The following ERBB4 variants were observed in gnomAD, a reference collection of about 807,000 sequenced individuals.
ERBB4 encodes erb-b2 receptor tyrosine kinase 4.
A neutral mutation model predicts 158.0 loss-of-function variants in ERBB4; 42 were observed. The ratio of observed to expected loss-of-function variants is 0.27; its 90% CI spans 0.21 to 0.34. The LOEUF (loss-of-function observed/expected upper bound fraction) is 0.34, where lower values mean the gene tolerates loss of function less well. Ranked by LOEUF, ERBB4 falls within the 10% of genes least tolerant of loss-of-function variation. The pLI, the probability that ERBB4 is intolerant of heterozygous loss-of-function variation, is 1.00. For synonymous variants in ERBB4, 583 were observed against 558.7 expected (o/e 1.04, Z -0.61); for missense variants, 1,333 against 1,624.1 (o/e 0.82, Z 3.08).
chr2:211,560,750 C>T (rs73075184), intron 20 of ERBB4, among the ~76,000 whole-genome samples: 2 of 152,046 alleles, frequency 1.3e-5, no homozygotes, highest in African/African-American at 2.4e-5. Context: ...ATAACAGTTA[C>T]AAAATTATAA....
intron 1 of ERBB4, among the ~76,000 whole-genome samples, chr2:212,222,581 A>G (rs182187164): frequency 8.9e-4 from 134 of 151,230 alleles, no homozygotes; most frequent in African/African-American, 2.9e-3. Flanking sequence ...AATATACTAT[A>G]TTCGCCTGGT....
intron 2 of ERBB4, among the ~76,000 whole-genome samples, chr2:212,120,020 G>A (rs2079698113): frequency 6.6e-6 from 1 of 152,126 alleles, no homozygotes; most frequent in Non-Finnish European, 1.5e-5. Flanking sequence ...AAGGGGAAAA[G>A]GGGGAAATTA....
intron 5 of ERBB4, 150 bp from the exon 6 acceptor site, chr2:211,725,344 A>T (rs1209352250): frequency 1.5e-6 from 1 of 664,360 alleles, no homozygotes; most frequent in East Asian, 2.7e-5. Flanking sequence ...CAAAATTTTT[A>T]TACAAAAATC....
chr2:212,467,877 T>TCCTG (rs1688916953), intron 1 of ERBB4, among the ~76,000 whole-genome samples: 2 of 152,168 alleles, frequency 1.3e-5, no homozygotes, highest in African/African-American at 4.8e-5. Flanking sequence ...GGAGGCTGTA[T>TCCTG]CCTGCAAAGC....
At chr2:212,191,714 G>T (rs1360130545) in intron 1 of ERBB4, among the ~76,000 whole-genome samples, 1 of 147,130 alleles carries the variant, frequency 6.8e-6, no homozygotes, top group African/African-American at 2.5e-5. Context: ...TGTTATACAT[G>T]TTACATATAA....
In ERBB4 at chr2:211,983,483, C is replaced by T. The variant is rs115256650; in HGVS notation, c.235-35867G>A. On this transcript the variant is annotated intron_variant, in intron 2 of 27. Transcript: ENST00000342788. ...GTTTATTCAATCAGTATCCCAGTGA[C>T]ATTTGTTTAATGCTAGATCATTTTG... Among the ~76,000 whole-genome samples, 1,334 of 152,282 alleles carry T rather than the reference C, an allele frequency of 8.8e-3. 16 individuals carry two copies. Among genetic ancestry groups the T allele is most frequent in the African/African-American group, 0.031 (1,269 of 41,566 alleles).
intron 20 of ERBB4, among the ~76,000 whole-genome samples, chr2:211,506,870 A>G (rs2065764719): frequency 6.6e-6 from 1 of 152,118 alleles, no homozygotes; most frequent in East Asian, 1.9e-4. Flanking sequence ...AACAAAAATT[A>G]GAGCAGAACT....
At chr2:211,837,018 G>T (rs2077358038) in intron 3 of ERBB4, among the ~76,000 whole-genome samples, 1 of 151,942 alleles carries the variant, frequency 6.6e-6, no homozygotes, top group Admixed American at 6.6e-5. Context: ...ATGCCATTAA[G>T]CAACTTTTAA....
intron 1 of ERBB4, among the ~76,000 whole-genome samples, chr2:212,234,968 TTTTAG>T (rs777489454): frequency 3.8e-4 from 58 of 152,256 alleles, no homozygotes; most frequent in Non-Finnish European, 5.9e-4. Flanking sequence ...TATAGAGGCT[TTTTAG>T]TTTAATTAGA....
intron 3 of ERBB4, among the ~76,000 whole-genome samples, chr2:211,896,456 A>G (rs866236979): frequency 1.1e-4 from 16 of 152,264 alleles, no homozygotes; most frequent in Admixed American, 7.9e-4. Flanking sequence ...ACAACTTTCA[A>G]AGAAATTTCT....
chr2:212,280,939 T>C (rs1284133688), intron 1 of ERBB4, among the ~76,000 whole-genome samples: 4 of 151,672 alleles, frequency 2.6e-5, no homozygotes. Context: ...ATCCGAGGAC[T>C]TGACACACTT....
chr2:211,486,889 TGAG>T lies in ERBB4; in HGVS notation c.2488-55792_2488-55790del, dbSNP rs200210386. Among the ~76,000 whole-genome samples, 1,135 of 152,234 alleles carry T rather than the reference TGAG, an allele frequency of 7.5e-3. 8 individuals are homozygous for T. The highest frequency in any genetic ancestry group is 0.026 in the African/African-American group (1,075 of 41,564). On this transcript the variant is annotated intron_variant, in intron 20 of 27. Coordinates refer to ENST00000342788, the MANE Select transcript of ERBB4 (RefSeq NM_005235.3). ...GTTAGTTTTGTTTTATTCAGGTTGA[TGAG>T]GAGATTTGGTACAGAGTGTCTTTGT...
At chr2:211,531,462 G>GA (rs1203346871) in intron 20 of ERBB4, among the ~76,000 whole-genome samples, 2 of 151,932 alleles carry the variant, frequency 1.3e-5, no homozygotes, top group South Asian at 2.1e-4. Flanking sequence ...AACTCTATAG[G>GA]AAAAAATCTA....
chr2:212,360,545 CCTAAT>C (rs1190285352), intron 1 of ERBB4, among the ~76,000 whole-genome samples: 2 of 151,460 alleles, frequency 1.3e-5, no homozygotes, highest in Admixed American at 1.3e-4. Context: ...TAGAATAATG[CCTAAT>C]CTAATGTTTG....
At chr2:211,632,481 T>C (rs1171163982) in intron 16 of ERBB4, among the ~76,000 whole-genome samples, 1 of 152,088 alleles carries the variant, frequency 6.6e-6, no homozygotes, top group Non-Finnish European at 1.5e-5. Context: ...TCGTTAATTG[T>C]AGATTCAGAC....
At chr2:212,161,395 GCT>G (rs2081198551) in intron 1 of ERBB4, among the ~76,000 whole-genome samples, 2 of 151,852 alleles carry the variant, frequency 1.3e-5, no homozygotes, top group Admixed American at 1.3e-4. Context: ...GACATGAGTA[GCT>G]ACCTTGTGAA....
chr2:211,378,258 A>G lies in ERBB4; in HGVS notation c.*5357T>C, dbSNP rs1452196995. ...TCAAAGAGTATTTTCCAGAGGAAGCATGTGAATACCCCCCGTGAAATTGGG... is the reference window on the plus strand; with the variant it reads ...TCAAAGAGTATTTTCCAGAGGAAGCGTGTGAATACCCCCCGTGAAATTGGG... On this transcript the variant is annotated 3_prime_UTR_variant, in exon 28 of 28. Coordinates refer to ENST00000342788, the MANE Select transcript of ERBB4 (RefSeq NM_005235.3). The G allele has an allele frequency of 1.3e-5, 3 of 232,858 alleles. No homozygotes were observed. Among genetic ancestry groups the G allele is most frequent in the African/African-American group, 6.6e-5 (3 of 45,310 alleles). 14.4% of individuals were successfully genotyped at this position (232,858 alleles called of 1,614,324 possible).
chr2:212,196,415 A>T (rs1232551981), intron 1 of ERBB4, among the ~76,000 whole-genome samples: 1 of 152,044 alleles, frequency 6.6e-6, no homozygotes, highest in African/African-American at 2.4e-5. Context: ...TAGGGATGGC[A>T]GAGGCAGAAG....
At chr2:212,396,481 T>A (rs1383983405) in intron 1 of ERBB4, among the ~76,000 whole-genome samples, 1 of 152,160 alleles carries the variant, frequency 6.6e-6, no homozygotes, top group African/African-American at 2.4e-5. Context: ...AAAAGGGGGA[T>A]AATCAAGATA....
Sources: allele counts gnomAD v4.1 joint callset (sites outside exome capture counted in the v4.1 genomes callset), GRCh38; gene constraint gnomAD v4.1.1; transcripts MANE v1.5; gene names NCBI Gene and HGNC (gene_info 2026-07-23, HGNC 2026-07-21).